The following GPC5 variants were observed in gnomAD, a reference collection of about 807,000 sequenced individuals.
The protein encoded by GPC5 is glypican 5.
A neutral mutation model predicts 53.9 loss-of-function variants in GPC5; 47 were observed. The ratio of observed to expected loss-of-function variants is 0.87; its 90% CI spans 0.69 to 1.11. GPC5 has a LOEUF of 1.11. Among genes scored for constraint, GPC5 ranks in the 50% most tolerant of loss-of-function variants. GPC5 has a pLI of 0.00. For synonymous variants in GPC5, 286 were observed against 263.3 expected (o/e 1.09, Z -0.84); for missense variants, 748 against 713.1 (o/e 1.05, Z -0.56).
intron 7 of GPC5, among the ~76,000 whole-genome samples, chr13:92,772,764 C>T (rs1196029800): frequency 2.0e-5 from 3 of 152,114 alleles, no homozygotes; most frequent in Non-Finnish European, 4.4e-5. Flanking sequence ...GCAGTAAGTG[C>T]TTGATAAATA....
chr13:91,428,009 GC>G (rs1270365880), intron 1 of GPC5, among the ~76,000 whole-genome samples: 2 of 152,108 alleles, frequency 1.3e-5, no homozygotes, highest in African/African-American at 2.4e-5. Flanking sequence ...GGCCTTCCCA[GC>G]CATGTGGAAA....
At chr13:92,332,748 T>C (rs1397513687) in intron 7 of GPC5, among the ~76,000 whole-genome samples, 2 of 152,172 alleles carry the variant, frequency 1.3e-5, no homozygotes, top group Non-Finnish European at 2.9e-5. Context: ...CTATTCCCAA[T>C]CACCCTGTTA....
At chr13:92,353,644 G>A (rs1053184335) in intron 7 of GPC5, among the ~76,000 whole-genome samples, 6 of 152,020 alleles carry the variant, frequency 3.9e-5, no homozygotes, top group Non-Finnish European at 7.4e-5. Context: ...TAAATATAAA[G>A]CAGACTATAT....
chr13:91,676,213 G>A (rs932462744), intron 2 of GPC5, among the ~76,000 whole-genome samples: 3 of 152,148 alleles, frequency 2.0e-5, no homozygotes, highest in Non-Finnish European at 2.9e-5. Flanking sequence ...TGGGATTACA[G>A]GTGCCCGCCA....
intron 7 of GPC5, among the ~76,000 whole-genome samples, chr13:92,257,567 T>TGGG (rs1555323587): frequency 7.0e-6 from 1 of 142,056 alleles, no homozygotes; most frequent in African/African-American, 2.9e-5. Context: ...TTTTTTTTTT[T>TGGG]GGGGACAGAG....
chr13:92,333,243 G>GA (rs1423242403), intron 7 of GPC5, among the ~76,000 whole-genome samples: 3 of 152,122 alleles, frequency 2.0e-5, no homozygotes, highest in African/African-American at 7.2e-5. Context: ...AAATATCAGA[G>GA]AAAAGTCTCC....
At chr13:91,622,538 G>A (rs1042042706) in intron 2 of GPC5, among the ~76,000 whole-genome samples, 4 of 151,992 alleles carry the variant, frequency 2.6e-5, no homozygotes, top group Non-Finnish European at 5.9e-5. Flanking sequence ...CTATAAAAAA[G>A]TTTACATATG....
Position 92,348,068 on chromosome 13 carries a change from A to G in GPC5, c.1561+203079A>G, listed in dbSNP as rs150912170. Among the ~76,000 whole-genome samples the G allele has an allele frequency of 5.1e-3, 733 of 143,800 alleles. 19 individuals carry two copies. The highest frequency in any genetic ancestry group is 0.018 in the African/African-American group (708 of 38,608). The allele number at this position is 143,800 out of a possible 152,430, so 94.3% of individuals were successfully genotyped here. On this transcript the variant is annotated intron_variant, in intron 7 of 7. Transcript: ENST00000377067. ...GAAGACAGCATAAGAGGCAGAAACA[A>G]AGTATCTACAAAACAACCAGAAAAC...
chr13:92,632,627 AT>A (rs1885285984), intron 7 of GPC5, among the ~76,000 whole-genome samples: 5 of 152,010 alleles, frequency 3.3e-5, no homozygotes, highest in Middle Eastern at 3.2e-3. Context: ...AACTGTATTT[AT>A]ATCAGATAAA....
chr13:91,677,841 C>A (rs1023454977), intron 2 of GPC5, among the ~76,000 whole-genome samples: 1 of 152,216 alleles, frequency 6.6e-6, no homozygotes, highest in Admixed American at 6.5e-5. Flanking sequence ...TTAAAAAGGG[C>A]TGCTAGTATC....
At chr13:91,768,794 ATG>A (rs1010443739) in intron 5 of GPC5, among the ~76,000 whole-genome samples, 16 of 74,564 alleles carry the variant, frequency 2.1e-4, no homozygotes, top group Admixed American at 2.0e-3. Context: ...TTACTAAAAC[ATG>A]TGTGGTACAT....
intron 6 of GPC5, among the ~76,000 whole-genome samples, chr13:91,956,276 A>G (rs1279160387): frequency 6.6e-6 from 1 of 151,610 alleles, no homozygotes; most frequent in Non-Finnish European, 1.5e-5. Context: ...GGTTGGGCCC[A>G]CCCAACCTGC....
At chr13:92,124,296 T>C (rs1039278259) in intron 6 of GPC5, among the ~76,000 whole-genome samples, 5 of 150,974 alleles carry the variant, frequency 3.3e-5, no homozygotes, top group African/African-American at 1.2e-4. Context: ...TATTATTCTT[T>C]GAGCTCCAAC....
chr13:92,147,153 TGTG>T lies in GPC5; in HGVS notation c.1561+2165_1561+2167del, dbSNP rs1555314098. 8.9e-3 allele frequency among the ~76,000 whole-genome samples: 1,101 copies of T among 124,300 alleles called. 53 individuals carry two copies. The highest frequency in any genetic ancestry group is 0.08 in the Admixed American group (971 of 12,178). The allele number at this position is 124,300 out of a possible 152,430, so 81.5% of individuals were successfully genotyped here. A position where few individuals can be genotyped will look rare whatever the true frequency, so the allele number is the denominator to read the frequency against. ...TGGTCAAATAGCAAATTATAATTTATGTGAGGTGAAAGAAAATGAAAAAGGGTT... is the reference window on the plus strand; with the variant it reads ...TGGTCAAATAGCAAATTATAATTTATAGGTGAAAGAAAATGAAAAAGGGTT... On this transcript the variant is annotated intron_variant, in intron 7 of 7. Coordinates refer to ENST00000377067, the MANE Select transcript of GPC5 (RefSeq NM_004466.6).
At chr13:92,451,065 T>C (rs1878040850) in intron 7 of GPC5, among the ~76,000 whole-genome samples, 1 of 152,214 alleles carries the variant, frequency 6.6e-6, no homozygotes. Context: ...ACAACAGCAA[T>C]AATTAATGAA....
chr13:91,989,481 A>T (rs1453919832), intron 6 of GPC5, among the ~76,000 whole-genome samples: 1 of 152,196 alleles, frequency 6.6e-6, no homozygotes, highest in Non-Finnish European at 1.5e-5. Flanking sequence ...GGCTCTTTAA[A>T]ACTGTATAAC....
chr13:91,939,995 G>A (rs1457686886), intron 6 of GPC5, among the ~76,000 whole-genome samples: 1 of 151,970 alleles, frequency 6.6e-6, no homozygotes, highest in Non-Finnish European at 1.5e-5. Flanking sequence ...CACACATCGG[G>A]TCTATCCAAC....
chr13:92,224,745 T>C (rs1211154348), intron 7 of GPC5, among the ~76,000 whole-genome samples: 1 of 152,208 alleles, frequency 6.6e-6, no homozygotes, highest in Non-Finnish European at 1.5e-5. Flanking sequence ...TAGATAATAT[T>C]TCACACATGT....
intron 5 of GPC5, among the ~76,000 whole-genome samples, chr13:91,886,648 C>T (rs1367429430): frequency 6.6e-6 from 1 of 152,178 alleles, no homozygotes; most frequent in Admixed American, 6.5e-5. Context: ...GTATTTACGC[C>T]TGTTCCAAAT....
Sources: gnomAD v4.1 joint callset for allele counts (sites outside exome capture counted in the v4.1 genomes callset) on GRCh38, gnomAD v4.1.1 for gene constraint, MANE v1.5 for transcripts, NCBI Gene and HGNC (gene_info 2026-07-23, HGNC 2026-07-21) for gene names.